The following HERC3 variants were observed in gnomAD, a reference collection of about 807,000 sequenced individuals.
HERC3 encodes the protein probable E3 ubiquitin-protein ligase HERC3.
Under a neutral mutation model 129.9 loss-of-function variants are expected in HERC3, and 58 were observed. That is an observed-to-expected ratio of 0.45 (90% CI 0.36 to 0.56). The LOEUF (loss-of-function observed/expected upper bound fraction) is 0.56, where lower values mean the gene tolerates loss of function less well. HERC3 is among the 20% of genes least tolerant of loss of function. HERC3 has a pLI of 0.00. For synonymous variants in HERC3, 430 were observed against 451.0 expected (o/e 0.95, Z 0.59); for missense variants, 835 against 1,244.2 (o/e 0.67, Z 4.95).
At chr4:88,626,244 C>T (rs1235797548) in intron 3 of HERC3, among the ~76,000 whole-genome samples, 1 of 151,944 alleles carries the variant, frequency 6.6e-6, no homozygotes, top group Non-Finnish European at 1.5e-5. Context: ...GACAAGATCT[C>T]TCAAAAGTCC....
chr4:88,655,951 A>G lies in HERC3; in HGVS notation c.985A>G (p.Thr329Ala). ...TTGTGGAGCAAGAGGTCAATTAGGAACTGGGCACACTTGTAATGTTAAGTG... is the reference window on the plus strand; with the variant it reads ...TTGTGGAGCAAGAGGTCAATTAGGAGCTGGGCACACTTGTAATGTTAAGTG... ...FGCGARGQLG[T>A]GHTCNVKCPS... Residue 329 changes from threonine (T) to alanine (A), a missense_variant, in exon 9 of 26, where the codon ACT (threonine) becomes GCT (alanine). Transcript: ENST00000402738. 6.2e-7 allele frequency: 1 copy of G among 1,614,094 alleles called. No individual in the cohort carries two copies. Among genetic ancestry groups the G allele is most frequent in the Non-Finnish European group, 8.5e-7 (1 of 1,179,948 alleles).
At chr4:88,570,733 G>A in the HERC3 span, among the ~76,000 whole-genome samples, 522 of 151,424 alleles carry the variant, frequency 3.4e-3, 3 homozygotes, top group African/African-American at 0.012. Flanking sequence ...TGCGAGTTAC[G>A]TACTATTATT....
At position 88,657,904 on chromosome 4, in the gene HERC3, G is replaced by C. The variant is rs552684015; in HGVS notation, c.1070-511G>C. On this transcript the variant is annotated intron_variant, in intron 9 of 25. Coordinates refer to ENST00000402738, the MANE Select transcript of HERC3 (RefSeq NM_014606.3). ...ATCCCATGTGCCAGGGGCAGCAGAG[G>C]GGGGAGGCACCGAGATGTGAAATAG... Among the ~76,000 whole-genome samples the C allele has an allele frequency of 3.9e-5, 6 of 151,988 alleles. No individual in the cohort carries two copies. The East Asian group carries it at 1.2e-3, about 29-fold the overall frequency.
chr4:88,705,701 A>G (rs1735718180), intron 25 of HERC3, among the ~76,000 whole-genome samples: 2 of 152,242 alleles, frequency 1.3e-5, no homozygotes, highest in Admixed American at 1.3e-4. Context: ...TCTGTGTGTA[A>G]TCAGCGTCAG....
Position 88,670,028 on chromosome 4 carries a change from G to A in HERC3, c.1797+5G>A, listed in dbSNP as rs748453182. The stretch of plus-strand genomic sequence containing the variant: ...CTCTTGGAGAAGTTATATAAGGTGA[G>A]CATAGGAGGTGCTAGTGGGGAGGGG... On this transcript the variant is annotated splice_donor_5th_base_variant and intron_variant, in intron 15 of 25. Transcript: ENST00000402738. 3 of 1,612,854 alleles carry A rather than the reference G, an allele frequency of 1.9e-6. No homozygotes were observed. The highest frequency in any genetic ancestry group is 2.7e-5 in the African/African-American group (2 of 74,914).
At chr4:88,655,495 C>A (rs1330568050) in intron 8 of HERC3, among the ~76,000 whole-genome samples, 191 bp downstream of exon 8, 1 of 152,118 alleles carries the variant, frequency 6.6e-6, no homozygotes, top group Non-Finnish European at 1.5e-5. Context: ...ATAAGCAGAG[C>A]AACACGGAGA....
chr4:88,635,696 A>G (rs1285664058), intron 3 of HERC3, among the ~76,000 whole-genome samples: 7 of 152,164 alleles, frequency 4.6e-5, no homozygotes, highest in South Asian at 2.1e-4. Context: ...AAGGCACATA[A>G]TCGGATTCAC....
chr4:88,528,131 C>G, the HERC3 span: 1 of 235,690 alleles, frequency 4.2e-6, no homozygotes, highest in Non-Finnish European at 8.7e-6. Context: ...TGACCCCAAA[C>G]AGCCAGATTG....
the HERC3 span, chr4:88,527,757 G>A: frequency 6.2e-6 from 2 of 321,000 alleles, no homozygotes; most frequent in Non-Finnish European, 1.2e-5. Context: ...GCCTGCTTAT[G>A]TCCTTGTTCA....
chr4:88,622,928 A>G (rs1404380448), intron 3 of HERC3, among the ~76,000 whole-genome samples: 1 of 151,546 alleles, frequency 6.6e-6, no homozygotes, highest in Non-Finnish European at 1.5e-5. Context: ...ACTCCATCAC[A>G]AAAAAACAAA....
In HERC3 at chr4:88,605,923, A is replaced by G; in HGVS notation, c.100A>G (p.Arg34Gly). The G allele has an allele frequency of 6.2e-7, 1 of 1,614,210 alleles. No homozygotes were observed. The highest frequency in any genetic ancestry group is 8.5e-7 in the Non-Finnish European group (1 of 1,180,034). The change falls in exon 3 of 26, where the codon AGA becomes GGA. Residue 34 changes from arginine (R) to glycine (G), a missense_variant. Physicochemically the swap from Arg to Gly is moderately radical, Grantham distance 125 (BLOSUM62 -2). Transcript: ENST00000402738. ...CCAGGTGTGTGGGTTCATATCTGAC[A>G]GAAGTGTCAAGGAAGTGGCCTGTGG... The part of the protein sequence containing the change: ...EPQVCGFISD[R>G]SVKEVACGGN...
rs1731143488 is a variant in HERC3, at chr4:88,667,236, G to A, written c.1332-141G>A. 7 of 465,508 alleles carry A rather than the reference G, an allele frequency of 1.5e-5. No homozygotes were observed. The East Asian group carries it at 2.1e-4, about 14-fold the overall frequency. 28.8% of individuals were successfully genotyped at this position (465,508 alleles called of 1,614,324 possible). On this transcript the variant is annotated intron_variant, in intron 12 of 25. Coordinates refer to ENST00000402738, the MANE Select transcript of HERC3 (RefSeq NM_014606.3). ...TTTATTATTTTGAGATTTATGCAAAGTGTAGTATTTTTGTGGATCTTATCT... is the reference window on the plus strand; with the variant it reads ...TTTATTATTTTGAGATTTATGCAAAATGTAGTATTTTTGTGGATCTTATCT...
chr4:88,589,060 ATGTGTGTGTGTGTGTGTATGTGCACGCG>A (rs1196939533), upstream of HERC3, among the ~76,000 whole-genome samples: 3 of 150,676 alleles, frequency 2.0e-5, no homozygotes, highest in South Asian at 2.1e-4. Flanking sequence ...TTATGGTTAT[ATGTGTGTGTGTGTGTGTATGTGCACGCG>A]TGTGTGCGTG....
chr4:88,675,479 C>A (rs1429434775), intron 16 of HERC3, among the ~76,000 whole-genome samples: 1 of 152,056 alleles, frequency 6.6e-6, no homozygotes, highest in Non-Finnish European at 1.5e-5. Flanking sequence ...AGAATTCTTG[C>A]TACAGATCAA....
At chr4:88,545,346 G>A in the HERC3 span, among the ~76,000 whole-genome samples, 2 of 151,266 alleles carry the variant, frequency 1.3e-5, no homozygotes, top group Non-Finnish European at 2.9e-5. Flanking sequence ...CTTAAAGGGA[G>A]CTATCATACA....
chr4:88,670,011 G>C lies in HERC3; in HGVS notation c.1785G>C (p.Glu595Asp). The stretch of plus-strand genomic sequence containing the variant: ...TCACAGCAGCTCTCAAACTCTTGGA[G>C]AAGTTATATAAGGTGAGCATAGGAG... ...NYITAALKLL[E>D]KLYKVNLKVK... Residue 595 changes from glutamate (E) to aspartate (D), a missense_variant, in exon 15 of 26, where the codon GAG (glutamate) becomes GAC (aspartate). Glu to Asp is a conservative substitution (Grantham distance 45). Coordinates refer to ENST00000402738, the MANE Select transcript of HERC3 (RefSeq NM_014606.3). 1.2e-6 allele frequency: 2 copies of C among 1,613,870 alleles called. No homozygotes were observed. Among genetic ancestry groups the C allele is most frequent in the Non-Finnish European group, 1.7e-6 (2 of 1,179,848 alleles).
At chr4:88,645,052 C>T (rs10016030) in intron 3 of HERC3, among the ~76,000 whole-genome samples, 31,465 of 151,936 alleles carry the variant, frequency 0.21, 3,268 homozygotes, top group Admixed American at 0.24. Flanking sequence ...CTTGGATGTA[C>T]AATATTTTGT....
At chr4:88,570,744 AT>A in the HERC3 span, among the ~76,000 whole-genome samples, 9 of 147,944 alleles carry the variant, frequency 6.1e-5, no homozygotes, top group Admixed American at 2.1e-4. Context: ...TACTATTATT[AT>A]TCCTATTTTA....
chr4:88,570,562 A>G, the HERC3 span, among the ~76,000 whole-genome samples: 1 of 152,122 alleles, frequency 6.6e-6, no homozygotes, highest in Non-Finnish European at 1.5e-5. Flanking sequence ...ACATTTATTG[A>G]GTATCTCTTG....
Sources: allele counts gnomAD v4.1 joint callset (sites outside exome capture counted in the v4.1 genomes callset), GRCh38; gene constraint gnomAD v4.1.1; transcripts MANE v1.5; gene names NCBI Gene and HGNC (gene_info 2026-07-23, HGNC 2026-07-21).